Variants in CLASP2 observed in about 807,000 individuals in gnomAD.
The protein encoded by CLASP2 is CLIP-associating protein 2.
Under a neutral mutation model 194.4 loss-of-function variants are expected in CLASP2, and 47 were observed. The observed-to-expected ratio is 0.24, with a 90% CI of 0.19 to 0.31. CLASP2 has a LOEUF of 0.31. CLASP2 is among the 10% of genes least tolerant of loss of function. CLASP2 has a pLI of 1.00. For synonymous variants in CLASP2, 619 were observed against 633.5 expected, an observed-to-expected ratio of 0.98 and a Z score of 0.34; for missense variants, 1,445 against 1,823.6, an observed-to-expected ratio of 0.79 and a Z score of 3.78.
rs531784839 is a variant in CLASP2 at position 33,689,891 on chromosome 3, T to C, written c.316A>G (p.Lys106Glu). The stretch of plus-strand genomic sequence containing the variant: ...AGAGTCTGAGCTTCATCTCGAACCT[T>C]GTCTTTGGCATCTCCCATTCTGTCT... ...LIDRMGDAKD[K>E]VRDEAQTLIL... is the part of the protein sequence containing the mutation. Residue 106 changes from lysine (K) to glutamate (E), a missense_variant, in exon 3 of 39, where the codon AAG becomes GAG. Around this residue, in one of 4 missense-constraint regions of CLASP2, gnomAD observed 332 missense variants for 325.3 expected, o/e 1.02. Transcript: ENST00000682230. The C allele has an allele frequency of 2.6e-5, 41 of 1,600,166 alleles. No homozygotes were observed. Among genetic ancestry groups the C allele is most frequent in the Admixed American group, 1.2e-4 (7 of 57,610 alleles).
At position 33,604,152 on chromosome 3, in the gene CLASP2, A is replaced by G; in HGVS notation, c.1750+2T>C. 6.4e-7 allele frequency: 1 copy of G among 1,551,086 alleles called. No individual in the cohort carries two copies. Among genetic ancestry groups the G allele is most frequent in the Non-Finnish European group, 8.7e-7 (1 of 1,145,416 alleles). ...ATAACTCTTATTTAAAGAGAAAATT[A>G]CCTCTTCCAGCCACAGTTGATGGAT... is the stretch of plus-strand genomic sequence containing the variant. On this transcript the variant is annotated splice_donor_variant, in intron 17 of 38. Coordinates refer to ENST00000682230, the MANE Select transcript of CLASP2 (RefSeq NM_001365631.1). LOFTEE classifies it high-confidence loss of function.
At chr3:33,500,565 A>AT (rs71070139) in intron 38 of CLASP2, among the ~76,000 whole-genome samples, 4,994 of 151,718 alleles carry the variant, frequency 0.033, 173 homozygotes, top group East Asian at 0.13. Flanking sequence ...GCATTTTTCT[A>AT]TTTTTTTTAA....
At position 33,561,093 on chromosome 3, in the gene CLASP2, C is replaced by A. The variant is rs151141295; in HGVS notation, c.2767-122G>T. On this transcript the variant is annotated intron_variant, in intron 27 of 38. Coordinates refer to ENST00000682230, the MANE Select transcript of CLASP2 (RefSeq NM_001365631.1). ...AGAGGCACAGCGATTGGCAGCCAAG[C>A]GGAAAAACAATCTCTCTTGCTTTTC... is the stretch of plus-strand genomic sequence containing the variant. 3.8e-6 allele frequency: 3 copies of A among 782,862 alleles called. No homozygotes were observed. In the African/African-American group the frequency reaches 5.3e-5, roughly 14 times the overall value. 48.5% of individuals were successfully genotyped at this position (782,862 alleles called of 1,614,324 possible).
Position 33,622,229 on chromosome 3 carries a change from A to G in CLASP2, c.1087T>C (p.Phe363Leu). 1.2e-6 allele frequency: 2 copies of G among 1,603,196 alleles called. No homozygotes were observed. Among genetic ancestry groups the G allele is most frequent in the Non-Finnish European group, 1.7e-6 (2 of 1,174,814 alleles). Residue 363 changes from phenylalanine (F) to leucine (L), a missense_variant, in exon 11 of 39, where the codon TTT becomes CTT. Transcript: ENST00000682230. ...TCCAACAATCGTAAATGTTGAAAAA[A>G]GCAATCATACTGTGCAGCTCCAGCA... ...LVAGAAQYDC[F>L]FQHLRLLDGA... is the part of the protein sequence containing the mutation.
At position 33,523,482 on chromosome 3, in the gene CLASP2, G is replaced by A. The variant is rs893684425; in HGVS notation, c.3788-6308C>T. Reference sequence around the variant, plus strand: ...TATCAGCAGATTTCTCATTAGAAACGTTGGAGGTCAGAAGGTAGTAGGCTG... The same window carrying A: ...TATCAGCAGATTTCTCATTAGAAACATTGGAGGTCAGAAGGTAGTAGGCTG... On this transcript the variant is annotated intron_variant, in intron 34 of 38. Coordinates refer to ENST00000682230, the MANE Select transcript of CLASP2 (RefSeq NM_001365631.1). Among the ~76,000 whole-genome samples the A allele has an allele frequency of 5.3e-5, 8 of 152,152 alleles. No individual in the cohort carries two copies. In the East Asian group the frequency reaches 9.6e-4, roughly 18 times the overall value.
chr3:33,604,901 C>A (rs1384752135), intron 16 of CLASP2, among the ~76,000 whole-genome samples: 1 of 152,144 alleles, frequency 6.6e-6, no homozygotes, highest in Admixed American at 6.6e-5. Context: ...TTATCACTAG[C>A]ACATAGGCAA....
intron 1 of CLASP2, among the ~76,000 whole-genome samples, chr3:33,706,837 C>T (rs984035226): frequency 3.3e-5 from 5 of 151,696 alleles, no homozygotes; most frequent in Non-Finnish European, 5.9e-5. Flanking sequence ...TGGTGGTGTG[C>T]GCCTGTAGTC....
At chr3:33,702,738 G>A (rs774702935) in intron 1 of CLASP2, among the ~76,000 whole-genome samples, 8 of 151,986 alleles carry the variant, frequency 5.3e-5, no homozygotes, top group African/African-American at 1.7e-4. Context: ...CTTTTACAAC[G>A]TAATAGTAAA....
chr3:33,574,436 G>T, intron 24 of CLASP2: 1 of 1,333,606 alleles, frequency 7.5e-7, no homozygotes, highest in Non-Finnish European at 1.0e-6. Context: ...AAAAAGTTAT[G>T]GTATCATAAG....
intron 30 of CLASP2, among the ~76,000 whole-genome samples, chr3:33,550,458 T>C (rs1263041281): frequency 6.9e-6 from 1 of 145,054 alleles, no homozygotes; most frequent in African/African-American, 2.6e-5. Flanking sequence ...CTCAGGAAGA[T>C]GCTCAAGAGA....
intron 1 of CLASP2, among the ~76,000 whole-genome samples, chr3:33,707,363 A>T (rs1189232073): frequency 6.6e-6 from 1 of 152,244 alleles, no homozygotes; most frequent in Admixed American, 6.5e-5. Flanking sequence ...CACAATTAGT[A>T]AGTAAATGGA....
rs1480579832 is a variant in CLASP2 at position 33,570,742 on chromosome 3, A to G, written c.2748T>C (p.Ala916=). ...RLCEIFTRMF[A]DPHGKRVFSM... is the part of the protein sequence containing the mutation. The stretch of plus-strand genomic sequence containing the variant: ...TAAAACATACCTTGCCATGAGGGTC[A>G]GCAAACATTCTTGTGAAAATTTCAC... The change falls in exon 26 of 39, where the codon GCT becomes GCC. Residue 916 remains alanine, a synonymous_variant. Transcript: ENST00000682230. 2.5e-6 allele frequency: 4 copies of G among 1,593,164 alleles called. No homozygotes were observed. In the South Asian group the frequency reaches 4.6e-5, roughly 18 times the overall value.
At chr3:33,690,483 T>C (rs1049555726) in intron 2 of CLASP2, among the ~76,000 whole-genome samples, 2 of 152,204 alleles carry the variant, frequency 1.3e-5, no homozygotes, top group Non-Finnish European at 2.9e-5. Context: ...AAGCACTTTC[T>C]ATAATATGCC....
intron 21 of CLASP2, 92 bp downstream of exon 21, chr3:33,592,303 C>A: frequency 1.1e-6 from 1 of 890,474 alleles, no homozygotes; most frequent in Non-Finnish European, 1.8e-6. Flanking sequence ...TTGTCTTTAT[C>A]CACTGGTCAA....
At chr3:33,544,188 T>C (rs1016287173) in intron 31 of CLASP2, among the ~76,000 whole-genome samples, 3 of 152,196 alleles carry the variant, frequency 2.0e-5, no homozygotes, top group Non-Finnish European at 4.4e-5. Context: ...CAAATATACA[T>C]ATTTCAATGT....
intron 14 of CLASP2, 89 bp downstream of exon 14, chr3:33,608,478 G>C: frequency 9.7e-7 from 1 of 1,035,900 alleles, no homozygotes; most frequent in Non-Finnish European, 1.4e-6. Context: ...GAAGCAAAAT[G>C]AGAAATAATG....
At chr3:33,513,476 G>C (rs2050483791) in intron 36 of CLASP2, among the ~76,000 whole-genome samples, 1 of 152,160 alleles carries the variant, frequency 6.6e-6, no homozygotes, top group African/African-American at 2.4e-5. Flanking sequence ...GGGTTGCAGT[G>C]AGCTGAGATC....
intron 34 of CLASP2, among the ~76,000 whole-genome samples, chr3:33,531,640 C>T (rs1418184875): frequency 1.3e-5 from 2 of 152,000 alleles, no homozygotes; most frequent in African/African-American, 4.8e-5. Flanking sequence ...CCAGGCATGG[C>T]GGTGCACACC....
intron 23 of CLASP2, among the ~76,000 whole-genome samples, chr3:33,579,149 TA>T (rs1474715928): frequency 6.6e-6 from 1 of 152,176 alleles, no homozygotes; most frequent in Non-Finnish European, 1.5e-5. Flanking sequence ...AAAATGGCTA[TA>T]AAAAAGCCAA....
Sources: allele counts gnomAD v4.1 joint callset (sites outside exome capture counted in the v4.1 genomes callset), GRCh38; gene constraint gnomAD v4.1.1; regional missense constraint gnomAD v4.1.1; transcripts MANE v1.5; gene names NCBI Gene and HGNC (gene_info 2026-07-23, HGNC 2026-07-21).